Variants in ARHGAP10 observed in about 807,000 individuals in gnomAD.
The protein encoded by ARHGAP10 is rho GTPase-activating protein 10.
A neutral mutation model predicts 108.6 loss-of-function variants in ARHGAP10; 87 were observed. The ratio of observed to expected loss-of-function variants is 0.80; its 90% CI spans 0.67 to 0.96. The LOEUF (loss-of-function observed/expected upper bound fraction) is 0.96. ARHGAP10 is among the 40% of genes least tolerant of loss of function. The pLI is 0.00. For synonymous variants in ARHGAP10, 347 were observed against 341.1 expected, an observed-to-expected ratio of 1.02 and a Z score of -0.19; for missense variants, 939 against 954.5, an observed-to-expected ratio of 0.98 and a Z score of 0.21.
chr4:147,800,430 G>A (rs1321768486), intron 1 of ARHGAP10, among the ~76,000 whole-genome samples: 1 of 152,152 alleles, frequency 6.6e-6, no homozygotes, highest in Admixed American at 6.5e-5. Flanking sequence ...TATTGCATAT[G>A]TCGAGGCTCC....
chr4:147,853,273 C>T (rs1015794773), intron 4 of ARHGAP10, among the ~76,000 whole-genome samples: 16 of 152,206 alleles, frequency 1.1e-4, no homozygotes, highest in African/African-American at 2.9e-4. Flanking sequence ...AGACTCCACA[C>T]GGACAGTGGC....
chr4:147,781,513 T>A (rs763153394), intron 1 of ARHGAP10, among the ~76,000 whole-genome samples: 1 of 152,174 alleles, frequency 6.6e-6, no homozygotes, highest in Non-Finnish European at 1.5e-5. Context: ...CCCTCAACTA[T>A]GTTCATACTA....
At chr4:147,998,457 C>G (rs542137118) in intron 18 of ARHGAP10, among the ~76,000 whole-genome samples, 2 of 152,350 alleles carry the variant, frequency 1.3e-5, no homozygotes, top group South Asian at 4.1e-4. Context: ...AACTGGTCTA[C>G]ACCATAGTGA....
At chr4:147,844,792 G>A (rs1027168887) in intron 3 of ARHGAP10, among the ~76,000 whole-genome samples, 1 of 152,050 alleles carries the variant, frequency 6.6e-6, no homozygotes, top group Non-Finnish European at 1.5e-5. Context: ...CCATCTCTTC[G>A]TGTACCACTC....
At chr4:147,857,301 G>T (rs1490566879) in intron 4 of ARHGAP10, among the ~76,000 whole-genome samples, 4 of 152,114 alleles carry the variant, frequency 2.6e-5, no homozygotes, top group African/African-American at 9.7e-5. Context: ...TAAGTCTGAA[G>T]AACTGAAAAA....
chr4:147,739,303 A>C (rs1052200685), intron 1 of ARHGAP10, among the ~76,000 whole-genome samples: 6 of 152,204 alleles, frequency 3.9e-5, no homozygotes, highest in African/African-American at 1.4e-4. Flanking sequence ...ATAAAGTAGA[A>C]TGTGTTGCTA....
At chr4:147,816,242 G>A (rs879304461) in intron 1 of ARHGAP10, among the ~76,000 whole-genome samples, 38 of 152,220 alleles carry the variant, frequency 2.5e-4, no homozygotes, top group Admixed American at 5.2e-4. Context: ...TCTCCAGTGT[G>A]GAGCTGCCTG....
chr4:147,847,149 A>G lies in ARHGAP10; in HGVS notation c.313-2A>G. ...TCTTTTGTTATCACTCTTGTTCTCT[A>G]GGCATTAAGTGTAACTGAAACCCTG... On this transcript the variant is annotated splice_acceptor_variant, in intron 3 of 22. Transcript: ENST00000336498. LOFTEE classifies it high-confidence loss of function. 1 of 1,610,900 alleles carries G rather than the reference A, an allele frequency of 6.2e-7. No homozygotes were observed. Among genetic ancestry groups the G allele is most frequent in the Non-Finnish European group, 8.5e-7 (1 of 1,177,374 alleles).
rs559199836 is a variant in ARHGAP10 at position 147,963,849 on chromosome 4, G to A, written c.1451-1175G>A. 2.2e-4 allele frequency among the ~76,000 whole-genome samples: 33 copies of A among 152,292 alleles called. 1 individual carries two copies. The South Asian group carries it at 6.8e-3, about 32-fold the overall frequency. ...TGGGTCCTTCATTCCAGCCTCTGCT[G>A]TGACAGGACAACCTCCGCTGTGCTG... On this transcript the variant is annotated intron_variant, in intron 16 of 22. Transcript: ENST00000336498.
In ARHGAP10 at chr4:147,876,454, G is replaced by A. The variant is rs567292704; in HGVS notation, c.832+1304G>A. On this transcript the variant is annotated intron_variant, in intron 8 of 22. Coordinates refer to ENST00000336498, the MANE Select transcript of ARHGAP10 (RefSeq NM_024605.4). ...AAAAAATACAAAAAATCAGCAGGGC[G>A]TAGTGGCGGGCACCTGTAGTCCCAG... 3.3e-5 allele frequency among the ~76,000 whole-genome samples: 5 copies of A among 152,086 alleles called. No homozygotes were observed. The South Asian group carries it at 8.3e-4, about 25-fold the overall frequency.
chr4:148,067,326 GT>G (rs1442013336), intron 22 of ARHGAP10, among the ~76,000 whole-genome samples: 1 of 152,234 alleles, frequency 6.6e-6, no homozygotes, highest in African/African-American at 2.4e-5. Context: ...TCTGTGCATA[GT>G]TGATCTCTTA....
chr4:147,852,360 G>T (rs770131085), intron 4 of ARHGAP10, among the ~76,000 whole-genome samples: 1 of 152,194 alleles, frequency 6.6e-6, no homozygotes, highest in Non-Finnish European at 1.5e-5. Context: ...ACAGGTGTCT[G>T]CCAGGCACCC....
chr4:147,945,235 T>C (rs1738325902), intron 14 of ARHGAP10, among the ~76,000 whole-genome samples: 1 of 152,128 alleles, frequency 6.6e-6, no homozygotes, highest in Non-Finnish European at 1.5e-5. Context: ...CCTTTCATTT[T>C]ATTTCTACCA....
intron 1 of ARHGAP10, among the ~76,000 whole-genome samples, chr4:147,737,289 T>A (rs2126674957): frequency 6.6e-6 from 1 of 151,976 alleles, no homozygotes; most frequent in Admixed American, 6.6e-5. Flanking sequence ...TAGCTGGGAT[T>A]ACGGGCACGC....
chr4:148,013,842 G>C (rs962358828), intron 18 of ARHGAP10, among the ~76,000 whole-genome samples: 32 of 152,166 alleles, frequency 2.1e-4, no homozygotes, highest in African/African-American at 7.2e-4. Flanking sequence ...AGTTTCACCA[G>C]TGTCATTTAA....
chr4:147,841,690 A>G (rs568524514), intron 3 of ARHGAP10, among the ~76,000 whole-genome samples: 1 of 152,270 alleles, frequency 6.6e-6, no homozygotes, highest in East Asian at 1.9e-4. Flanking sequence ...CCTTATTGAA[A>G]CATTTATTGG....
intron 19 of ARHGAP10, among the ~76,000 whole-genome samples, 195 bp downstream of exon 19, chr4:148,023,608 C>T (rs1290256379): frequency 3.9e-5 from 6 of 152,074 alleles, no homozygotes; most frequent in Non-Finnish European, 7.4e-5. Flanking sequence ...TTGTGTTTGT[C>T]TTTGTTATGC....
intron 16 of ARHGAP10, among the ~76,000 whole-genome samples, chr4:147,957,704 G>A (rs1738838230): frequency 6.6e-6 from 1 of 152,170 alleles, no homozygotes; most frequent in Non-Finnish European, 1.5e-5. Context: ...TCCCTGCTGA[G>A]AGTTCTCAAG....
chr4:147,943,927 C>G (rs1296636806), intron 14 of ARHGAP10, among the ~76,000 whole-genome samples: 1 of 152,072 alleles, frequency 6.6e-6, no homozygotes, highest in African/African-American at 2.4e-5. Flanking sequence ...GCTTTTTATT[C>G]CATGAATTTA....
Sources: gnomAD v4.1 joint callset for allele counts (sites outside exome capture counted in the v4.1 genomes callset) on GRCh38, gnomAD v4.1.1 for gene constraint, MANE v1.5 for transcripts, NCBI Gene and HGNC (gene_info 2026-07-23, HGNC 2026-07-21) for gene names.